FOXN3: variants seen among roughly 807,000 people sequenced by gnomAD.
FOXN3 encodes the protein forkhead box N3.
Under a neutral mutation model 38.4 loss-of-function variants are expected in FOXN3, and 7 were observed. The observed-to-expected ratio is 0.18, with a 90% CI of 0.10 to 0.34. FOXN3 has a LOEUF of 0.34. Ranked by LOEUF, FOXN3 falls within the 10% of genes least tolerant of loss-of-function variation. The pLI is 1.00. For missense variants in FOXN3, 456 were observed against 613.4 expected, an observed-to-expected ratio of 0.74 and a Z score of 2.71; for synonymous variants, 230 against 242.2, an observed-to-expected ratio of 0.95 and a Z score of 0.47.
At chr14:89,422,492 A>C (rs1290527024) in intron 1 of FOXN3, among the ~76,000 whole-genome samples, 1 of 152,220 alleles carries the variant, frequency 6.6e-6, no homozygotes, top group Non-Finnish European at 1.5e-5. Context: ...GAATATGAGA[A>C]GAGAGGGGGA....
intron 3 of FOXN3, among the ~76,000 whole-genome samples, chr14:89,335,901 A>G (rs1452667627): frequency 6.6e-6 from 1 of 152,186 alleles, no homozygotes; most frequent in Non-Finnish European, 1.5e-5. Context: ...GATTAGAAAG[A>G]TAGCTGAAGT....
rs147897178 is a variant in FOXN3 at position 89,328,124 on chromosome 14, G to A, written c.680+22548C>T. 5.9e-3 allele frequency among the ~76,000 whole-genome samples: 906 copies of A among 152,342 alleles called. 12 individuals carry two copies. Among genetic ancestry groups the A allele is most frequent in the African/African-American group, 0.02 (849 of 41,574 alleles). On this transcript the variant is annotated intron_variant, in intron 3 of 5. Transcript: ENST00000557258. ...CTACAGCACTTTTGTACAGATGACCGAAAGCAAGTCTCATGTTACATTAGA... is the reference window on the plus strand; with the variant it reads ...CTACAGCACTTTTGTACAGATGACCAAAAGCAAGTCTCATGTTACATTAGA...
chr14:89,398,515 T>C (rs1238217579), intron 2 of FOXN3, among the ~76,000 whole-genome samples: 1 of 152,056 alleles, frequency 6.6e-6, no homozygotes, highest in Non-Finnish European at 1.5e-5. Flanking sequence ...CCCCAATTTA[T>C]AAACTTGGAA....
At chr14:89,327,894 G>A (rs980074817) in intron 3 of FOXN3, among the ~76,000 whole-genome samples, 5 of 152,164 alleles carry the variant, frequency 3.3e-5, no homozygotes, top group Admixed American at 1.3e-4. Flanking sequence ...AACCTAGGGA[G>A]GGAAGTCCAT....
At chr14:89,364,152 G>T (rs959204531) in intron 2 of FOXN3, among the ~76,000 whole-genome samples, 5 of 150,356 alleles carry the variant, frequency 3.3e-5, no homozygotes, top group Non-Finnish European at 7.4e-5. Flanking sequence ...AAAGAGGGAA[G>T]AAGAGAGGCA....
At chr14:89,518,044 C>A (rs184356352) in intron 1 of FOXN3, among the ~76,000 whole-genome samples, 33 of 152,326 alleles carry the variant, frequency 2.2e-4, no homozygotes, top group African/African-American at 7.9e-4. Context: ...CTACAAACAG[C>A]ATCTTCTGGT....
At chr14:89,473,638 G>A (rs1424405849) in intron 1 of FOXN3, among the ~76,000 whole-genome samples, 2 of 152,004 alleles carry the variant, frequency 1.3e-5, no homozygotes, top group East Asian at 1.9e-4. Context: ...AAAATGCTGG[G>A]ATTACAGGCA....
At chr14:89,192,797 A>T (rs183975337) in intron 4 of FOXN3, among the ~76,000 whole-genome samples, 2,241 of 147,102 alleles carry the variant, frequency 0.015, 16 homozygotes, top group Middle Eastern at 0.025. Context: ...TATTTAATAT[A>T]TATAAATATA....
chr14:89,558,886 G>A (rs1234847161), intron 1 of FOXN3, among the ~76,000 whole-genome samples: 1 of 152,192 alleles, frequency 6.6e-6, no homozygotes, highest in Admixed American at 6.5e-5. Context: ...GACGCTTAGT[G>A]CATCTCGTGT....
chr14:89,220,402 G>A (rs1350258282), intron 4 of FOXN3, among the ~76,000 whole-genome samples: 1 of 152,164 alleles, frequency 6.6e-6, no homozygotes, highest in African/African-American at 2.4e-5. Context: ...CAGAGTAGCT[G>A]GCACACAGCA....
intron 3 of FOXN3, among the ~76,000 whole-genome samples, chr14:89,341,489 A>G (rs1888614747): frequency 6.6e-6 from 1 of 152,176 alleles, no homozygotes; most frequent in Non-Finnish European, 1.5e-5. Context: ...ATCTTTTATG[A>G]ATGATGGGTT....
intron 3 of FOXN3, among the ~76,000 whole-genome samples, chr14:89,298,472 T>TTAAA (rs1777531578): frequency 5.7e-5 from 7 of 123,588 alleles, no homozygotes; most frequent in South Asian, 2.7e-4. Context: ...TCCGTCTATT[T>TTAAA]AAAAAAAAAA....
chr14:89,251,331 A>G (rs1885448522), intron 4 of FOXN3, among the ~76,000 whole-genome samples: 1 of 152,198 alleles, frequency 6.6e-6, no homozygotes, highest in South Asian at 2.1e-4. Flanking sequence ...TCTGCCTAGA[A>G]TCCTTTACCA....
At chr14:89,184,812 G>A (rs927209639) in intron 4 of FOXN3, among the ~76,000 whole-genome samples, 12 of 152,174 alleles carry the variant, frequency 7.9e-5, no homozygotes, top group African/African-American at 2.7e-4. Context: ...CATCGTCACC[G>A]TCATCCTTCT....
chr14:89,372,257 G>GA (rs1221079989), intron 2 of FOXN3, among the ~76,000 whole-genome samples: 9 of 151,848 alleles, frequency 5.9e-5, no homozygotes, highest in Non-Finnish European at 1.0e-4. Flanking sequence ...TGCAAAACTT[G>GA]AAAAAACAGA....
At chr14:89,402,885 GC>G (rs1891288093) in intron 2 of FOXN3, among the ~76,000 whole-genome samples, 2 of 152,320 alleles carry the variant, frequency 1.3e-5, no homozygotes, top group East Asian at 1.9e-4. Flanking sequence ...AAACACTCAA[GC>G]CTCCTTCTGA....
intron 4 of FOXN3, among the ~76,000 whole-genome samples, chr14:89,249,766 G>A (rs893930100): frequency 1.3e-5 from 2 of 152,194 alleles, no homozygotes; most frequent in African/African-American, 4.8e-5. Flanking sequence ...GGAACTTGGA[G>A]GAAATCCTGT....
In FOXN3 at chr14:89,268,389, G is replaced by T. The variant is rs541829143; in HGVS notation, c.745+12561C>A. Among the ~76,000 whole-genome samples, 84 of 152,286 alleles carry T rather than the reference G, an allele frequency of 5.5e-4. 1 individual carries two copies. Among genetic ancestry groups the T allele is most frequent in the Non-Finnish European group, 1.5e-4 (10 of 68,028 alleles). ...AGTGGGCCTCTTAAGACAACAAAGA[G>T]GCTGAAATGACACTGACACACAGAA... On this transcript the variant is annotated intron_variant, in intron 4 of 5. Coordinates refer to ENST00000557258, the MANE Select transcript of FOXN3 (RefSeq NM_005197.4).
chr14:89,494,356 TA>T (rs1475340846), intron 1 of FOXN3, among the ~76,000 whole-genome samples: 3 of 152,230 alleles, frequency 2.0e-5, no homozygotes, highest in Non-Finnish European at 4.4e-5. Flanking sequence ...ACTGCTTTAA[TA>T]TTTTTTTAGC....
Sources: allele counts gnomAD v4.1 joint callset (sites outside exome capture counted in the v4.1 genomes callset), GRCh38; gene constraint gnomAD v4.1.1; transcripts MANE v1.5; gene names NCBI Gene and HGNC (gene_info 2026-07-23, HGNC 2026-07-21).